The following UEVLD variants were observed in gnomAD, a reference collection of about 807,000 sequenced individuals.
UEVLD encodes UEV and lactate/malate dehyrogenase domains.
Under a neutral mutation model 58.6 loss-of-function variants are expected in UEVLD, and 47 were observed. That is an observed-to-expected ratio of 0.80 (90% CI 0.63 to 1.02). UEVLD has a LOEUF of 1.02. Among genes scored for constraint, UEVLD ranks in the 50% least tolerant of loss-of-function variants. The pLI is 0.00. For missense variants in UEVLD, 510 were observed against 550.6 expected, an observed-to-expected ratio of 0.93 and a Z score of 0.74; for synonymous variants, 197 against 195.3, an observed-to-expected ratio of 1.01 and a Z score of -0.07.
At position 18,557,321 on chromosome 11, in the gene UEVLD, T is replaced by A. The variant is rs544554378; in HGVS notation, c.715+907A>T. On this transcript the variant is annotated intron_variant, in intron 7 of 11. Transcript: ENST00000396197. ...TGCCCGCCACCATGCCCGGCTAATT[T>A]TTTTGTATTTTTAGTAGAGATGGGG... Among the ~76,000 whole-genome samples the A allele has an allele frequency of 5.9e-5, 9 of 151,372 alleles. No individual in the cohort carries two copies. The South Asian group carries it at 1.7e-3, about 28-fold the overall frequency.
At position 18,557,401 on chromosome 11, in the gene UEVLD, G is replaced by A. The variant is rs547448435; in HGVS notation, c.715+827C>T. ...TTTCCCGACCTCGTGATCTGCCTGC[G>A]TCGGCTTCCCAAAGTGCTGGGATTA... On this transcript the variant is annotated intron_variant, in intron 7 of 11. Coordinates refer to ENST00000396197, the MANE Select transcript of UEVLD (RefSeq NM_001040697.4). Among the ~76,000 whole-genome samples, 34 of 151,956 alleles carry A rather than the reference G, an allele frequency of 2.2e-4. No homozygotes were observed. In the South Asian group the frequency reaches 2.3e-3, roughly 10 times the overall value.
At position 18,532,064 on chromosome 11, in the gene UEVLD, T is replaced by A. The variant is rs1850580118; in HGVS notation, c.*256A>T. The A allele has an allele frequency of 3.6e-6, 1 of 275,450 alleles. No individual in the cohort carries two copies. Among genetic ancestry groups the A allele is most frequent in the Non-Finnish European group, 6.7e-6 (1 of 149,226 alleles). The allele number at this position is 275,450 out of a possible 1,614,324, so 17.1% of individuals were successfully genotyped here. ...GATTTAAATTGATGCACACTGCAGA[T>A]GAATGTTTACCCCTGCTGTAGATTT... On this transcript the variant is annotated 3_prime_UTR_variant, in exon 12 of 12. Coordinates refer to ENST00000396197, the MANE Select transcript of UEVLD (RefSeq NM_001040697.4).
At chr11:18,585,573 C>T (rs764721587) in intron 1 of UEVLD, among the ~76,000 whole-genome samples, 1 of 151,998 alleles carries the variant, frequency 6.6e-6, no homozygotes, top group African/African-American at 2.4e-5. Flanking sequence ...TTTTACTTGC[C>T]GTAGTACTGA....
rs537426730 is a variant in UEVLD, at chr11:18,548,661, A to T, written c.716-1611T>A. 7.2e-5 allele frequency among the ~76,000 whole-genome samples: 11 copies of T among 152,326 alleles called. No homozygotes were observed. In the East Asian group the frequency reaches 9.6e-4, roughly 13 times the overall value. On this transcript the variant is annotated intron_variant, in intron 7 of 11. Transcript: ENST00000396197. ...AGGTTGGTCTCGAACTCCCAACCTC[A>T]GGTGATCCACCCACCTCGGCCTCCC...
In UEVLD at chr11:18,536,576, A is replaced by C. The variant is rs904200684; in HGVS notation, c.1061-107T>G. Reference sequence around the variant, plus strand: ...GGTACCTGTGCTAATATTTATATAGAAGTTTTCTCATTTCTAGCAAGTTAG... The same window carrying C: ...GGTACCTGTGCTAATATTTATATAGCAGTTTTCTCATTTCTAGCAAGTTAG... On this transcript the variant is annotated intron_variant, in intron 9 of 11. Transcript: ENST00000396197. 6.6e-6 allele frequency: 6 copies of C among 915,898 alleles called. No homozygotes were observed. The African/African-American group carries it at 1.0e-4, about 15-fold the overall frequency. The allele number at this position is 915,898 out of a possible 1,614,324, so 56.7% of individuals were successfully genotyped here. A position where few individuals can be genotyped will look rare whatever the true frequency, so the allele number is the denominator to read the frequency against.
intron 9 of UEVLD, among the ~76,000 whole-genome samples, chr11:18,542,549 G>A (rs988015799): frequency 2.0e-5 from 3 of 152,010 alleles, no homozygotes; most frequent in Non-Finnish European, 2.9e-5. Flanking sequence ...GAGCCTTCTA[G>A]TAGCCAGTGC....
intron 6 of UEVLD, among the ~76,000 whole-genome samples, chr11:18,560,526 C>A (rs1220885864): frequency 1.3e-5 from 2 of 152,082 alleles, no homozygotes; most frequent in East Asian, 3.9e-4. Flanking sequence ...TTATAGAAAT[C>A]ATCCTACAAA....
chr11:18,562,363 G>A (rs994081766), intron 6 of UEVLD, among the ~76,000 whole-genome samples: 7 of 151,800 alleles, frequency 4.6e-5, no homozygotes, highest in Admixed American at 1.3e-4. Context: ...CCAACATAGC[G>A]AAACCCCCTC....
Position 18,532,381 on chromosome 11 carries a change from G to T in UEVLD, c.1355C>A (p.Thr452Asn). The change falls in exon 12 of 12, where the codon ACT (threonine) becomes AAT (asparagine). Residue 452 changes from threonine to asparagine, a missense_variant. Coordinates refer to ENST00000396197, the MANE Select transcript of UEVLD (RefSeq NM_001040697.4). ...GGATGCACTGCTTTGGAGTTTCTCA[G>T]TAACTGTATCTTCTTTCAGTGTGGT... Reference protein sequence around the residue: ...IKTTLKEDTVTEKLQSSASSI... With the variant: ...IKTTLKEDTVNEKLQSSASSI... 1 of 1,613,652 alleles carries T rather than the reference G, an allele frequency of 6.2e-7. No homozygotes were observed. The highest frequency in any genetic ancestry group is 8.5e-7 in the Non-Finnish European group (1 of 1,179,834).
At position 18,552,895 on chromosome 11, in the gene UEVLD, C is replaced by A. The variant is rs990478861; in HGVS notation, c.715+5333G>T. 1.8e-4 allele frequency among the ~76,000 whole-genome samples: 28 copies of A among 151,926 alleles called. 1 individual carries two copies. The highest frequency in any genetic ancestry group is 6.3e-4 in the African/African-American group (26 of 41,440). ...ATTAGGCTGGGCGTGGTGGCTCACC[C>A]CTGTAATCCCAGCACTTTGGGAGGC... is the stretch of plus-strand genomic sequence containing the variant. On this transcript the variant is annotated intron_variant, in intron 7 of 11. Transcript: ENST00000396197.
chr11:18,581,558 C>A (rs1249394443), intron 1 of UEVLD, among the ~76,000 whole-genome samples: 1 of 151,838 alleles, frequency 6.6e-6, no homozygotes, highest in East Asian at 1.9e-4. Context: ...CTGGCATGCA[C>A]CTGTAATCCC....
intron 7 of UEVLD, among the ~76,000 whole-genome samples, chr11:18,554,091 T>C (rs1475102851): frequency 1.3e-5 from 2 of 152,190 alleles, no homozygotes; most frequent in Non-Finnish European, 2.9e-5. Context: ...CTACTCTTAA[T>C]AGTTTCTTTT....
At chr11:18,560,506 ATCAAT>A (rs1479433017) in intron 6 of UEVLD, among the ~76,000 whole-genome samples, 3 of 152,220 alleles carry the variant, frequency 2.0e-5, no homozygotes, top group Admixed American at 1.3e-4. Context: ...TCTTGAATCC[ATCAAT>A]TCATTTATAG....
At chr11:18,550,229 C>CT (rs1352219400) in intron 7 of UEVLD, among the ~76,000 whole-genome samples, 1 of 152,148 alleles carries the variant, frequency 6.6e-6, no homozygotes, top group Non-Finnish European at 1.5e-5. Flanking sequence ...CTCAAACAAT[C>CT]CTCCAGCCTC....
chr11:18,534,505 A>T (rs1180481037), intron 10 of UEVLD, 52 bp from the exon 11 acceptor site: 1 of 1,529,300 alleles, frequency 6.5e-7, no homozygotes, highest in East Asian at 2.5e-5. Context: ...ATGCACATTT[A>T]GTTTTACATT....
chr11:18,534,982 TA>T (rs1286259579), intron 10 of UEVLD, among the ~76,000 whole-genome samples: 3 of 152,206 alleles, frequency 2.0e-5, no homozygotes, highest in African/African-American at 7.2e-5. Context: ...GAGGACTGGT[TA>T]AATCACTACC....
At chr11:18,535,432 AAAAAG>A (rs1850751512) in intron 10 of UEVLD, among the ~76,000 whole-genome samples, 1 of 152,208 alleles carries the variant, frequency 6.6e-6, no homozygotes, top group African/African-American at 2.4e-5. Context: ...TCTTCCTTTT[AAAAAG>A]TATAAATGCA....
chr11:18,558,487 A>G (rs1008235214), intron 6 of UEVLD, among the ~76,000 whole-genome samples, 157 bp from the exon 7 acceptor site: 12 of 152,202 alleles, frequency 7.9e-5, no homozygotes, highest in Non-Finnish European at 1.6e-4. Flanking sequence ...AGTGACATGC[A>G]AGCAAGAAAT....
chr11:18,542,890 C>CTTTTCTTTTTTTTTTTT (rs1288736148), intron 9 of UEVLD, among the ~76,000 whole-genome samples: 1 of 125,902 alleles, frequency 7.9e-6, no homozygotes, highest in East Asian at 2.6e-4. Flanking sequence ...CTTTTCTTTT[C>CTTTTCTTTTTTTTTTTT]TTTTTTTTTT....
Sources: gnomAD v4.1 joint callset for allele counts (sites outside exome capture counted in the v4.1 genomes callset) on GRCh38, gnomAD v4.1.1 for gene constraint, MANE v1.5 for transcripts, NCBI Gene and HGNC (gene_info 2026-07-23, HGNC 2026-07-21) for gene names.